Variants in TAB2 observed in about 807,000 individuals in gnomAD.
The protein encoded by TAB2 is TGF-beta-activated kinase 1 and MAP3K7-binding protein 2.
TAB2 carries 3 observed loss-of-function variants against 65.0 expected under a neutral mutation model. That is an observed-to-expected ratio of 0.05 (90% CI 0.02 to 0.12). TAB2 has a LOEUF of 0.12. Among genes scored for constraint, TAB2 ranks in the 10% least tolerant of loss-of-function variants. The pLI, the probability that TAB2 is intolerant of heterozygous loss-of-function variation, is 1.00. For synonymous variants in TAB2, 298 were observed against 285.1 expected (o/e 1.05, Z -0.46); for missense variants, 623 against 840.3 (o/e 0.74, Z 3.20).
upstream of TAB2, chr6:149,217,992 T>C (rs892839048): frequency 1.3e-5 from 2 of 152,184 alleles, no homozygotes; most frequent in Non-Finnish European, 2.9e-5. Flanking sequence ...TCTCAGAATA[T>C]GACAACAACC....
chr6:149,244,004 G>A (rs1777651256), intron 1 of TAB2: 2 of 152,246 alleles, frequency 1.3e-5, no homozygotes, highest in Admixed American at 6.5e-5. Context: ...GTGGGCAACT[G>A]AAAAGGACAC....
rs941109818 is a variant in TAB2, at chr6:149,329,836, C to A, written c.-90+11821C>A. ...CTAATTTGTATTTTCCCCCTCACTTCTTAGAACATTGTTTATTTATTGACA... is the reference window on the plus strand; with the variant it reads ...CTAATTTGTATTTTCCCCCTCACTTATTAGAACATTGTTTATTTATTGACA... On this transcript the variant is annotated intron_variant, in intron 1 of 6. Transcript: ENST00000637181. 4.6e-5 allele frequency among the ~76,000 whole-genome samples: 7 copies of A among 152,180 alleles called. 1 individual carries two copies.
At chr6:149,357,992 C>T (rs556745788) in intron 1 of TAB2, among the ~76,000 whole-genome samples, 2 of 152,212 alleles carry the variant, frequency 1.3e-5, no homozygotes, top group African/African-American at 2.4e-5. Flanking sequence ...TGAGCCATCA[C>T]GCCCGGCCTT....
intron 1 of TAB2, among the ~76,000 whole-genome samples, chr6:149,309,455 G>T (rs1779129488): frequency 6.7e-6 from 1 of 149,432 alleles, no homozygotes; most frequent in Non-Finnish European, 1.5e-5. Context: ...GGAGTGCAGT[G>T]GCACAATCTC....
At chr6:149,364,384 G>T (rs1329084556) in intron 1 of TAB2, among the ~76,000 whole-genome samples, 2 of 151,946 alleles carry the variant, frequency 1.3e-5, no homozygotes, top group Non-Finnish European at 1.5e-5. Context: ...AATGTACCAT[G>T]CTCCCATGCT....
At chr6:149,362,365 G>GC (rs1780879599) in intron 1 of TAB2, among the ~76,000 whole-genome samples, 1 of 152,194 alleles carries the variant, frequency 6.6e-6, no homozygotes. Flanking sequence ...GGCAAAGGGG[G>GC]AACCTGGATA....
At chr6:149,256,213 A>T (rs1194063321) in intron 1 of TAB2, among the ~76,000 whole-genome samples, 4 of 152,248 alleles carry the variant, frequency 2.6e-5, no homozygotes, top group Non-Finnish European at 5.9e-5. Context: ...ACAATAATTC[A>T]TCTTAAAATA....
intron 1 of TAB2, among the ~76,000 whole-genome samples, chr6:149,333,705 C>T (rs1779848588): frequency 8.2e-6 from 1 of 121,934 alleles, no homozygotes; most frequent in Non-Finnish European, 1.7e-5. Context: ...TTTCCAGATC[C>T]ATAGTGTGTG....
At chr6:149,245,848 C>A (rs1777700803) in intron 1 of TAB2, among the ~76,000 whole-genome samples, 1 of 152,188 alleles carries the variant, frequency 6.6e-6, no homozygotes, top group Non-Finnish European at 1.5e-5. Flanking sequence ...CCTCTTCAAG[C>A]AAAGCTGAAA....
chr6:149,394,172 G>A (rs905439282), intron 3 of TAB2, among the ~76,000 whole-genome samples: 3 of 151,820 alleles, frequency 2.0e-5, no homozygotes, highest in Admixed American at 6.6e-5. Context: ...CTGTTGTCAA[G>A]TTCACTGATT....
chr6:149,257,052 T>G (rs367751771), intron 1 of TAB2, among the ~76,000 whole-genome samples: 1 of 152,202 alleles, frequency 6.6e-6, no homozygotes, highest in East Asian at 1.9e-4. Context: ...CCATCTAAAA[T>G]TTTTCCTGCT....
chr6:149,354,531 A>T lies in TAB2; in HGVS notation c.-89-15378A>T, dbSNP rs76066911. ...ACAGAAACAATATATTAAATAAAAT[A>T]GGTTTTTAAAATTTATTTGTGTGTT... is the stretch of plus-strand genomic sequence containing the variant. On this transcript the variant is annotated intron_variant, in intron 1 of 6. Transcript: ENST00000637181. 1.9e-3 allele frequency among the ~76,000 whole-genome samples: 292 copies of T among 152,310 alleles called. 5 individuals carry two copies. The East Asian group carries it at 0.049, about 25-fold the overall frequency.
chr6:149,221,706 A>G (rs1777152539), intron 1 of TAB2, among the ~76,000 whole-genome samples: 1 of 152,132 alleles, frequency 6.6e-6, no homozygotes, highest in Non-Finnish European at 1.5e-5. Flanking sequence ...GGCAAGGGCA[A>G]AGGGAGGACT....
chr6:149,238,419 G>T (rs1013826725), intron 1 of TAB2, among the ~76,000 whole-genome samples: 5 of 152,114 alleles, frequency 3.3e-5, no homozygotes, highest in African/African-American at 9.7e-5. Flanking sequence ...CTTCTCTGGG[G>T]TTCCAAATCG....
chr6:149,367,744 T>A (rs1194980935), intron 1 of TAB2, among the ~76,000 whole-genome samples: 1 of 152,084 alleles, frequency 6.6e-6, no homozygotes, highest in Admixed American at 6.5e-5. Flanking sequence ...TTAAGAATAC[T>A]TTTTGTATAT....
chr6:149,295,078 C>T (rs1778851039), intron 1 of TAB2, among the ~76,000 whole-genome samples: 1 of 152,150 alleles, frequency 6.6e-6, no homozygotes, highest in Non-Finnish European at 1.5e-5. Flanking sequence ...ACCTCCCATA[C>T]GCAGTTGAAT....
In TAB2 at chr6:149,317,841, T is replaced by C; in HGVS notation, c.-264T>C. 1 of 155,518 alleles carries C rather than the reference T, an allele frequency of 6.4e-6. No homozygotes were observed. The highest frequency in any genetic ancestry group is 1.4e-5 in the Non-Finnish European group (1 of 72,582). 9.6% of individuals were successfully genotyped at this position (155,518 alleles called of 1,614,324 possible). A position where few individuals can be genotyped will look rare whatever the true frequency, so the allele number is the denominator to read the frequency against. On this transcript the variant is annotated 5_prime_UTR_variant, in exon 1 of 7. Coordinates refer to ENST00000637181, the MANE Select transcript of TAB2 (RefSeq NM_001292034.3). This position sits in a 1 kb window ranked among gnomAD's most constrained non-coding sequence, Gnocchi z 4.7. ...GCGGCGGCGGGCGAGCGGAGGGGGC[T>C]GAGCGGGGAGGGAGGGAGGGCTGAG...
At chr6:149,273,841 T>A (rs929097699) in intron 1 of TAB2, among the ~76,000 whole-genome samples, 3 of 152,184 alleles carry the variant, frequency 2.0e-5, no homozygotes, top group Non-Finnish European at 4.4e-5. Flanking sequence ...TGACCTGTAA[T>A]GGGACACAGA....
rs59723819 is a variant in TAB2, at chr6:149,284,645, TACACACACACACACAC to T, written c.-121+65903_-121+65918del. 7.6e-3 allele frequency among the ~76,000 whole-genome samples: 1,072 copies of T among 141,614 alleles called. 11 individuals are homozygous for T. Among genetic ancestry groups the T allele is most frequent in the African/African-American group, 0.021 (816 of 38,240 alleles). 92.9% of individuals were successfully genotyped at this position (141,614 alleles called of 152,430 possible). On this transcript the variant is annotated intron_variant, in intron 1 of 1. Coordinates refer to the TAB2 transcript ENST00000606202. ...CATATCTACCACAGAATGATCTCTTTACACACACACACACACACACACACACACACACACACACACA... is the reference window on the plus strand; with the variant it reads ...CATATCTACCACAGAATGATCTCTTTACACACACACACACACACACACACA...
Sources: allele counts gnomAD v4.1 joint callset (sites outside exome capture counted in the v4.1 genomes callset), GRCh38; gene constraint gnomAD v4.1.1; non-coding constraint Gnocchi (gnomAD v3.1); transcripts MANE v1.5; gene names NCBI Gene and HGNC (gene_info 2026-07-23, HGNC 2026-07-21).